The following TRIM22 variants were observed in gnomAD, a reference collection of about 807,000 sequenced individuals.
TRIM22 encodes the protein E3 ubiquitin-protein ligase TRIM22.
In TRIM22, 45 loss-of-function variants were observed where a neutral mutation model predicts 53.6. The observed-to-expected ratio is 0.84, with a 90% CI of 0.66 to 1.08. The LOEUF is 1.08. Ranked by LOEUF, TRIM22 falls within the 50% of genes least tolerant of loss-of-function variation. The pLI, the probability that TRIM22 is intolerant of heterozygous loss-of-function variation, is 0.00. For synonymous variants in TRIM22, 225 were observed against 216.6 expected (o/e 1.04, Z -0.34); for missense variants, 616 against 590.9 (o/e 1.04, Z -0.44).
Position 5,709,889 on chromosome 11 carries a change from G to A in TRIM22, c.*241G>A, listed in dbSNP as rs1278336972. ...CCCAAATCTAGATTCCAGCAGAGTT[G>A]GTTCTTTCTGAGGTCTGCAAGGAAG... On this transcript the variant is annotated 3_prime_UTR_variant, in exon 8 of 8. Coordinates refer to ENST00000379965, the MANE Select transcript of TRIM22 (RefSeq NM_006074.5). 2.0e-6 allele frequency: 1 copy of A among 492,182 alleles called. No homozygotes were observed. Among genetic ancestry groups the A allele is most frequent in the Non-Finnish European group, 3.6e-6 (1 of 277,466 alleles). The allele number at this position is 492,182 out of a possible 1,614,324, so 30.5% of individuals were successfully genotyped here.
At chr11:5,703,226 T>C (rs542119003) in intron 4 of TRIM22, among the ~76,000 whole-genome samples, 18 of 152,208 alleles carry the variant, frequency 1.2e-4, no homozygotes, top group African/African-American at 4.1e-4. Context: ...GTCTGTAGTG[T>C]CTATTATTTC....
intron 1 of TRIM22, among the ~76,000 whole-genome samples, chr11:5,692,638 C>A (rs1362890049): frequency 1.3e-5 from 2 of 152,100 alleles, no homozygotes; most frequent in East Asian, 3.9e-4. Flanking sequence ...ACCCAAGGAA[C>A]AGGGGAAATT....
chr11:5,692,815 T>C (rs1439447656), intron 1 of TRIM22, among the ~76,000 whole-genome samples: 1 of 142,548 alleles, frequency 7.0e-6, no homozygotes, highest in Non-Finnish European at 1.6e-5. Flanking sequence ...AAAAAGATAT[T>C]GATGGCTAAA....
At chr11:5,703,883 T>C (rs1477836869) in intron 4 of TRIM22, among the ~76,000 whole-genome samples, 1 of 151,950 alleles carries the variant, frequency 6.6e-6, no homozygotes, top group Non-Finnish European at 1.5e-5. Flanking sequence ...CCAACAAACA[T>C]ATGAAAAAAT....
At chr11:5,690,864 G>T (rs969514583) in intron 1 of TRIM22, among the ~76,000 whole-genome samples, 3 of 152,202 alleles carry the variant, frequency 2.0e-5, no homozygotes, top group Admixed American at 6.5e-5. Context: ...CCCTTATCTG[G>T]ATCTGGGTAT....
chr11:5,708,000 T>C (rs952028097), intron 5 of TRIM22, among the ~76,000 whole-genome samples, 173 bp from the exon 6 acceptor site: 1 of 152,122 alleles, frequency 6.6e-6, no homozygotes, highest in South Asian at 2.1e-4. Context: ...CACAGACAGG[T>C]AGACATGAGC....
chr11:5,708,717 T>A, intron 7 of TRIM22, 114 bp downstream of exon 7: 146 of 43,988 alleles, frequency 3.3e-3, no homozygotes, highest in Non-Finnish European at 5.4e-3. Context: ...CATGTAGTTC[T>A]TTTTTTTTTT....
intron 7 of TRIM22, 89 bp from the exon 8 acceptor site, chr11:5,708,964 A>G: frequency 9.5e-7 from 1 of 1,050,350 alleles, no homozygotes; most frequent in Admixed American, 2.2e-5. Flanking sequence ...TGATATCGAC[A>G]CAAGTTTCAT....
intron 4 of TRIM22, among the ~76,000 whole-genome samples, chr11:5,704,715 T>C (rs1332118366): frequency 6.6e-6 from 1 of 152,224 alleles, no homozygotes; most frequent in African/African-American, 2.4e-5. Context: ...CACTACCAAA[T>C]CCAATGTCAT....
rs759404403 is a variant in TRIM22, at chr11:5,696,246, TA to T, written c.17del (p.Lys6ArgfsTer2). On this transcript the variant is annotated frameshift_variant, in exon 2 of 8. Coordinates refer to ENST00000379965, the MANE Select transcript of TRIM22 (RefSeq NM_006074.5). LOFTEE classifies it high-confidence loss of function. MDFS[V>X]KVDIEKEVTC... ...GGGAGCAGTGCAATGGATTTCTCAG[TA>T]AAGGTAGACATAGAGAAGGAGGTGA... is the stretch of plus-strand genomic sequence containing the variant. The T allele has an allele frequency of 1.2e-6, 2 of 1,609,820 alleles. No individual in the cohort carries two copies. Among genetic ancestry groups the T allele is most frequent in the Non-Finnish European group, 1.7e-6 (2 of 1,177,798 alleles).
intron 1 of TRIM22, among the ~76,000 whole-genome samples, chr11:5,695,566 G>GTTTTT (rs10664616): frequency 2.1e-5 from 3 of 145,784 alleles, no homozygotes; most frequent in South Asian, 2.2e-4. Context: ...TGGCATTAGG[G>GTTTTT]TTTTTTTTTT....
intron 1 of TRIM22, among the ~76,000 whole-genome samples, chr11:5,695,193 C>T (rs540034609): frequency 5.0e-4 from 76 of 152,244 alleles, no homozygotes; most frequent in Non-Finnish European, 8.8e-4. Flanking sequence ...GCTAAATGTG[C>T]AGTGAGTGAC....
At chr11:5,697,932 T>C in intron 3 of TRIM22, 1 of 204,084 alleles carries the variant, frequency 4.9e-6, no homozygotes, top group Non-Finnish European at 1.0e-5. Context: ...CTCAATCTCC[T>C]GACCTTGTGA....
chr11:5,704,084 G>C (rs1403590174), intron 4 of TRIM22, among the ~76,000 whole-genome samples: 1 of 152,126 alleles, frequency 6.6e-6, no homozygotes, highest in East Asian at 1.9e-4. Flanking sequence ...GCAGTCTGGA[G>C]GTTTCTAAAA....
intron 4 of TRIM22, among the ~76,000 whole-genome samples, chr11:5,705,048 A>G (rs1474598566): frequency 1.3e-5 from 2 of 152,274 alleles, no homozygotes; most frequent in South Asian, 2.1e-4. Flanking sequence ...CTTTTGAGGA[A>G]CCATCCCTAC....
chr11:5,709,771 G>A lies in TRIM22; in HGVS notation c.*123G>A. The A allele has an allele frequency of 1.1e-6, 1 of 876,492 alleles. No homozygotes were observed. The highest frequency in any genetic ancestry group is 1.8e-6 in the Non-Finnish European group (1 of 571,160). 54.3% of individuals were successfully genotyped at this position (876,492 alleles called of 1,614,324 possible). The stretch of plus-strand genomic sequence containing the variant: ...TCTTTCCCCTTCTTTTACTTAGAAT[G>A]TCTTTGTATTCATTTGCTAGGGCTT... On this transcript the variant is annotated 3_prime_UTR_variant, in exon 8 of 8. Transcript: ENST00000379965.
At chr11:5,697,522 A>G (rs934077384) in intron 3 of TRIM22, 179 bp downstream of exon 3, 7 of 501,724 alleles carry the variant, frequency 1.4e-5, no homozygotes, top group African/African-American at 1.2e-4. Flanking sequence ...GAGTAGACAT[A>G]TCATAAATCA....
chr11:5,696,660 G>C lies in TRIM22; in HGVS notation c.423+5G>C. The C allele has an allele frequency of 6.2e-7, 1 of 1,602,744 alleles. No individual in the cohort carries two copies. Among genetic ancestry groups the C allele is most frequent in the Non-Finnish European group, 8.5e-7 (1 of 1,176,914 alleles). ...GAGGTGGTCAAGGAATGTCAGGTAG[G>C]CTCCAAGATAGAGGAAGAGAGAGCA... On this transcript the variant is annotated splice_donor_5th_base_variant and intron_variant, in intron 2 of 7. Coordinates refer to ENST00000379965, the MANE Select transcript of TRIM22 (RefSeq NM_006074.5).
chr11:5,702,952 T>C (rs911183126), intron 4 of TRIM22, among the ~76,000 whole-genome samples: 1 of 152,248 alleles, frequency 6.6e-6, no homozygotes, highest in Non-Finnish European at 1.5e-5. Context: ...TGCTGAACTT[T>C]TACTAGTTTT....
Sources: gnomAD v4.1 joint callset for allele counts (sites outside exome capture counted in the v4.1 genomes callset) on GRCh38, gnomAD v4.1.1 for gene constraint, MANE v1.5 for transcripts, NCBI Gene and HGNC (gene_info 2026-07-23, HGNC 2026-07-21) for gene names.